WDR45B: variants seen among roughly 807,000 people sequenced by gnomAD.
The protein encoded by WDR45B is WD repeat domain 45B, also known as WD repeat domain phosphoinositide-interacting protein 3.
A neutral mutation model predicts 44.6 loss-of-function variants in WDR45B; 20 were observed. That is an observed-to-expected ratio of 0.45 (90% confidence interval 0.32 to 0.65). The LOEUF (loss-of-function observed/expected upper bound fraction) is 0.65. WDR45B is among the 30% of genes least tolerant of loss of function. WDR45B has a pLI of 0.05. For synonymous variants in WDR45B, 169 were observed against 164.9 expected (o/e 1.02, Z -0.19); for missense variants, 323 against 430.2 (o/e 0.75, Z 2.20).
chr17:82,627,603 A>T (rs1445458163), intron 3 of WDR45B, among the ~76,000 whole-genome samples: 1 of 151,854 alleles, frequency 6.6e-6, no homozygotes, highest in Non-Finnish European at 1.5e-5. Context: ...TTCTCAGGTG[A>T]CCCACTCACT....
intron 1 of WDR45B, among the ~76,000 whole-genome samples, chr17:82,645,534 G>A (rs561995009): frequency 6.6e-6 from 1 of 152,208 alleles, no homozygotes; most frequent in African/African-American, 2.4e-5. Context: ...TGTGAGCTGG[G>A]TGTAGAGCCA....
At chr17:82,631,342 C>T (rs111628482) in intron 2 of WDR45B, among the ~76,000 whole-genome samples, 19 of 135,232 alleles carry the variant, frequency 1.4e-4, no homozygotes, top group Non-Finnish European at 9.2e-5. Flanking sequence ...AGAGTGCAGT[C>T]GCGCGATCTC....
intron 5 of WDR45B, among the ~76,000 whole-genome samples, chr17:82,624,209 A>G (rs1255900486): frequency 6.6e-6 from 1 of 152,228 alleles, no homozygotes; most frequent in Non-Finnish European, 1.5e-5. Context: ...ATGTAAAAAA[A>G]CAAAACCTGA....
intron 2 of WDR45B, among the ~76,000 whole-genome samples, chr17:82,632,662 T>C (rs1344287520): frequency 6.6e-6 from 1 of 152,134 alleles, no homozygotes; most frequent in East Asian, 1.9e-4. Context: ...GCAATGACCA[T>C]GAGCTCTATC....
chr17:82,626,452 G>C (rs1383922036), intron 4 of WDR45B, among the ~76,000 whole-genome samples: 2 of 142,638 alleles, frequency 1.4e-5, no homozygotes, highest in Non-Finnish European at 3.0e-5. Flanking sequence ...GGAATTGCTT[G>C]AACCCGGGAG....
intron 3 of WDR45B, among the ~76,000 whole-genome samples, chr17:82,628,398 C>T (rs763231066): frequency 2.0e-5 from 3 of 152,076 alleles, no homozygotes; most frequent in Non-Finnish European, 4.4e-5. Flanking sequence ...GCTAATGTAC[C>T]GACAAGCTTT....
chr17:82,625,601 G>C (rs1430436601), intron 4 of WDR45B, 118 bp from the exon 5 acceptor site: 1 of 1,068,658 alleles, frequency 9.4e-7, no homozygotes, highest in Non-Finnish European at 1.4e-6. Flanking sequence ...CAGAAAAGGA[G>C]TGTTCCTGAA....
chr17:82,624,119 A>T (rs1227778439), intron 5 of WDR45B, among the ~76,000 whole-genome samples: 1 of 151,956 alleles, frequency 6.6e-6, no homozygotes, highest in Non-Finnish European at 1.5e-5. Flanking sequence ...CATGCACGAC[A>T]CTCCTCCTTC....
At chr17:82,644,228 G>A in intron 1 of WDR45B, 1 of 620,058 alleles carries the variant, frequency 1.6e-6, no homozygotes, top group East Asian at 2.9e-5. Flanking sequence ...TTGTCCTTTA[G>A]CAAAGGAGTC....
At chr17:82,633,556 C>G (rs1013262586) in intron 2 of WDR45B, among the ~76,000 whole-genome samples, 5 of 152,100 alleles carry the variant, frequency 3.3e-5, no homozygotes, top group Non-Finnish European at 7.4e-5. Flanking sequence ...CAGTGTTGCT[C>G]AGGCAAGTGC....
At chr17:82,625,639 C>A in intron 4 of WDR45B, 156 bp from the exon 5 acceptor site, 1 of 770,664 alleles carries the variant, frequency 1.3e-6, no homozygotes, top group Non-Finnish European at 2.2e-6. Flanking sequence ...AGGTAGCCAG[C>A]GCCAGGCCTG....
Position 82,617,336 on chromosome 17 carries a change from T to C in WDR45B, c.766A>G (p.Ile256Val), listed in dbSNP as rs372066454. 6.2e-7 allele frequency: 1 copy of C among 1,613,844 alleles called. No individual in the cohort carries two copies. The highest frequency in any genetic ancestry group is 1.1e-5 in the South Asian group (1 of 91,056). ...CVSSDHGTVH[I>V]FAAEDPKRNK... is the part of the protein sequence containing the mutation. ...CTTTTTGGATCTTCAGCTGCAAAAA[T>C]ATGCACTGTGCCGTGGTCGCTGGAT... The change falls in exon 8 of 10, where the codon ATT (isoleucine) becomes GTT (valine). Residue 256 changes from isoleucine to valine, a missense_variant. Transcript: ENST00000392325.
At chr17:82,616,308 G>A (rs763505063) in intron 9 of WDR45B, among the ~76,000 whole-genome samples, 3 of 152,218 alleles carry the variant, frequency 2.0e-5, no homozygotes, top group Non-Finnish European at 4.4e-5. Context: ...GTGATTTCCT[G>A]GGGGAAACTG....
chr17:82,628,890 T>G (rs1316846846), intron 3 of WDR45B, among the ~76,000 whole-genome samples: 1 of 151,436 alleles, frequency 6.6e-6, no homozygotes, highest in African/African-American at 2.4e-5. Flanking sequence ...TCCCAGCTAC[T>G]CGGGAGGCTG....
intron 2 of WDR45B, among the ~76,000 whole-genome samples, chr17:82,634,405 T>G (rs1056592973): frequency 6.6e-6 from 1 of 151,916 alleles, no homozygotes; most frequent in African/African-American, 2.4e-5. Context: ...GGAGAACTGC[T>G]TGAACCCGGG....
intron 7 of WDR45B, among the ~76,000 whole-genome samples, chr17:82,618,223 C>T (rs1019370553): frequency 3.3e-5 from 5 of 152,232 alleles, no homozygotes; most frequent in African/African-American, 1.2e-4. Flanking sequence ...AGCCACTGCG[C>T]CCGGCTATAT....
chr17:82,647,090 G>A (rs761013131), intron 1 of WDR45B, among the ~76,000 whole-genome samples: 14 of 152,152 alleles, frequency 9.2e-5, no homozygotes, highest in Admixed American at 2.0e-4. Context: ...GTAGCCGGGC[G>A]TGGAGGCAGG....
intron 2 of WDR45B, among the ~76,000 whole-genome samples, chr17:82,633,301 C>G (rs929870636): frequency 1.6e-4 from 24 of 152,082 alleles, no homozygotes; most frequent in Admixed American, 8.5e-4. Flanking sequence ...ACATCTGATA[C>G]AGTGCGTAAT....
rs540774232 is a variant in WDR45B, at chr17:82,635,644, A to G, written c.143-4622T>C. On this transcript the variant is annotated intron_variant, in intron 2 of 9. Transcript: ENST00000392325. ...CACCATGTTGGCCAGGCTGGTCTCG[A>G]ACTCCTGACCTCAGGAGATCCACCC... Among the ~76,000 whole-genome samples the G allele has an allele frequency of 5.9e-5, 9 of 151,844 alleles. No homozygotes were observed. In the East Asian group the frequency reaches 1.6e-3, roughly 26 times the overall value.
Sources: gnomAD v4.1 joint callset for allele counts (sites outside exome capture counted in the v4.1 genomes callset) on GRCh38, gnomAD v4.1.1 for gene constraint, MANE v1.5 for transcripts, NCBI Gene and HGNC (gene_info 2026-07-23, HGNC 2026-07-21) for gene names.